NUP98: variants seen among roughly 807,000 people sequenced by gnomAD.
NUP98 encodes the protein nucleoporin 98 and 96 precursor, also known as nuclear pore complex protein Nup98-Nup96.
A neutral mutation model predicts 191.9 loss-of-function variants in NUP98; 26 were observed. The observed-to-expected ratio is 0.14, with a 90% CI of 0.10 to 0.19. NUP98 has a LOEUF of 0.19. Ranked by LOEUF, NUP98 falls within the 10% of genes least tolerant of loss-of-function variation. NUP98 has a pLI of 1.00. For missense variants in NUP98, 1,941 were observed against 2,178.8 expected (o/e 0.89, Z 2.17); for synonymous variants, 808 against 778.4 (o/e 1.04, Z -0.63).
At chr11:3,730,998 G>A (rs771093790) in intron 14 of NUP98, among the ~76,000 whole-genome samples, 6 of 152,138 alleles carry the variant, frequency 3.9e-5, no homozygotes, top group Non-Finnish European at 5.9e-5. Flanking sequence ...TGGGCACAGC[G>A]GCTCACACCT....
chr11:3,791,106 A>T (rs532590150), intron 1 of NUP98, among the ~76,000 whole-genome samples: 1 of 151,924 alleles, frequency 6.6e-6, no homozygotes, highest in Admixed American at 6.6e-5. Context: ...CGTGTTAGCC[A>T]GGATGGTCTC....
intron 1 of NUP98, among the ~76,000 whole-genome samples, chr11:3,794,744 A>G (rs1285994001): frequency 6.6e-6 from 1 of 151,908 alleles, no homozygotes; most frequent in Non-Finnish European, 1.5e-5. Flanking sequence ...CCTCCTAAGT[A>G]GCTGGAGTAC....
At chr11:3,754,339 T>C (rs1338092454) in intron 10 of NUP98, among the ~76,000 whole-genome samples, 11 of 152,090 alleles carry the variant, frequency 7.2e-5, no homozygotes. Flanking sequence ...GGCAGGAGTA[T>C]CACTTGAACC....
At position 3,683,093 on chromosome 11, in the gene NUP98, T is replaced by C; in HGVS notation, c.4918+107A>G. The C allele has an allele frequency of 3.4e-6, 5 of 1,483,418 alleles. 1 individual carries two copies. The South Asian group carries it at 6.7e-5, about 20-fold the overall frequency. The allele number at this position is 1,483,418 out of a possible 1,614,324, so 91.9% of individuals were successfully genotyped here. On this transcript the variant is annotated intron_variant, in intron 30 of 32. Coordinates refer to ENST00000324932, the MANE Select transcript of NUP98 (RefSeq NM_016320.5). ...TTGCAAAGTATGATTTGATTCAAGATGGCCATGTCCTACGTTGAGTCTTAT... is the reference window on the plus strand; with the variant it reads ...TTGCAAAGTATGATTTGATTCAAGACGGCCATGTCCTACGTTGAGTCTTAT...
At chr11:3,788,576 A>G (rs2082223330) in intron 1 of NUP98, among the ~76,000 whole-genome samples, 3 of 152,084 alleles carry the variant, frequency 2.0e-5, no homozygotes, top group Admixed American at 2.0e-4. Context: ...GGGTGACAAG[A>G]GTGAAATTCT....
chr11:3,752,117 C>G (rs532666572), intron 11 of NUP98, among the ~76,000 whole-genome samples: 1 of 150,286 alleles, frequency 6.7e-6, no homozygotes. Context: ...GCACTCCAGC[C>G]TGGGGGACGG....
chr11:3,696,397 G>A (rs570375136), intron 25 of NUP98, among the ~76,000 whole-genome samples: 2 of 149,310 alleles, frequency 1.3e-5, no homozygotes. Context: ...AGCTACTCAA[G>A]AGGCTGAGAC....
intron 1 of NUP98, among the ~76,000 whole-genome samples, chr11:3,786,798 A>T (rs1254225055): frequency 6.6e-6 from 1 of 152,224 alleles, no homozygotes; most frequent in African/African-American, 2.4e-5. Context: ...TGTGGTCAAA[A>T]CGTTTACAAC....
At chr11:3,751,960 G>A (rs1045084547) in intron 11 of NUP98, among the ~76,000 whole-genome samples, 3 of 151,260 alleles carry the variant, frequency 2.0e-5, no homozygotes, top group East Asian at 2.0e-4. Flanking sequence ...GGAGGATCAC[G>A]ACGTCAGGAG....
chr11:3,713,906 T>C lies in NUP98; in HGVS notation c.2489A>G (p.Asn830Ser). 2 of 1,614,148 alleles carry C rather than the reference T, an allele frequency of 1.2e-6. No homozygotes were observed. Among genetic ancestry groups the C allele is most frequent in the African/African-American group, 1.3e-5 (1 of 75,058 alleles). ...AACTGCTTCCAATCTTCCTTCATAG[T>C]TGATATCAGCAAGGCGATCTGGGCT... ...IKSPDRLADI[N>S]YEGRLEAVSR... The change falls in exon 19 of 33, where the codon AAC (asparagine) becomes AGC (serine). Residue 830 changes from asparagine (N) to serine (S), a missense_variant. By Grantham distance (46) the Asn-to-Ser change is conservative. Coordinates refer to ENST00000324932, the MANE Select transcript of NUP98 (RefSeq NM_016320.5).
At chr11:3,749,784 T>TG (rs1439997490) in intron 11 of NUP98, among the ~76,000 whole-genome samples, 6 of 149,272 alleles carry the variant, frequency 4.0e-5, no homozygotes, top group Non-Finnish European at 7.4e-5. Context: ...ATCAGTGAGG[T>TG]GCAAACTGGA....
At chr11:3,728,434 G>C (rs1399508408) in intron 14 of NUP98, among the ~76,000 whole-genome samples, 1 of 152,196 alleles carries the variant, frequency 6.6e-6, no homozygotes, top group Non-Finnish European at 1.5e-5. Flanking sequence ...AAAAGAGTAA[G>C]AGTAAAAACA....
chr11:3,701,620 C>A (rs1589986053), intron 23 of NUP98, among the ~76,000 whole-genome samples: 1 of 151,772 alleles, frequency 6.6e-6, no homozygotes, highest in African/African-American at 2.4e-5. Context: ...CCTAGAATAA[C>A]TAAGTTTAGG....
At chr11:3,682,717 C>A (rs1428223686) in intron 30 of NUP98, among the ~76,000 whole-genome samples, 1 of 152,150 alleles carries the variant, frequency 6.6e-6, no homozygotes, top group Non-Finnish European at 1.5e-5. Context: ...AAATGTGAAA[C>A]AGAGACAGAC....
intron 14 of NUP98, among the ~76,000 whole-genome samples, chr11:3,726,825 T>C (rs1165598309): frequency 2.6e-5 from 4 of 151,598 alleles, no homozygotes; most frequent in African/African-American, 9.7e-5. Flanking sequence ...ACAGTGGTGG[T>C]ATCATAGCTC....
In NUP98 at chr11:3,731,539, T is replaced by C. The variant is rs1421384055; in HGVS notation, c.1582A>G (p.Thr528Ala). Residue 528 changes from threonine (T) to alanine (A), a missense_variant, in exon 14 of 33, where the codon ACT (threonine) becomes GCT (alanine). Coordinates refer to ENST00000324932, the MANE Select transcript of NUP98 (RefSeq NM_016320.5). ...GTCAGTTTATAATGAGTAGGTGTAG[T>C]AAGAGCCTTCTGGGCTGCTGGATTT... ...PTNPAAQKAL[T>A]TPTHYKLTPR... 1 of 1,598,126 alleles carries C rather than the reference T, an allele frequency of 6.3e-7. No homozygotes were observed. The highest frequency in any genetic ancestry group is 2.3e-5 in the East Asian group (1 of 44,322).
intron 12 of NUP98, among the ~76,000 whole-genome samples, chr11:3,740,510 C>G (rs1197160787): frequency 2.4e-4 from 36 of 149,302 alleles, no homozygotes. Context: ...GAGCAAGACT[C>G]TGTCTCAAAA....
intron 12 of NUP98, among the ~76,000 whole-genome samples, chr11:3,742,504 C>G (rs1262608593): frequency 6.6e-6 from 1 of 151,782 alleles, no homozygotes; most frequent in Non-Finnish European, 1.5e-5. Context: ...AGTTCGAGAC[C>G]AGCCTGGCCA....
chr11:3,685,724 T>C (rs979741455), intron 29 of NUP98, among the ~76,000 whole-genome samples: 1 of 152,230 alleles, frequency 6.6e-6, no homozygotes, highest in African/African-American at 2.4e-5. Flanking sequence ...TTTCTCAGAC[T>C]GCTGAGAGAC....
Sources: gnomAD v4.1 joint callset for allele counts (sites outside exome capture counted in the v4.1 genomes callset) on GRCh38, gnomAD v4.1.1 for gene constraint, MANE v1.5 for transcripts, NCBI Gene and HGNC (gene_info 2026-07-23, HGNC 2026-07-21) for gene names.